DUSP29: variants seen among roughly 807,000 people sequenced by gnomAD.
DUSP29 encodes the protein atypical dual-specific protein phosphatase.
A neutral mutation model predicts 13.5 loss-of-function variants in DUSP29; 12 were observed. That is an observed-to-expected ratio of 0.89 (90% CI 0.57 to 1.44). The LOEUF (loss-of-function observed/expected upper bound fraction) is 1.44, where lower values mean the gene tolerates loss of function less well. Ranked by LOEUF, DUSP29 falls within the 40% of genes most tolerant of loss-of-function variation. The pLI is 0.00. For missense variants in DUSP29, 308 were observed against 301.1 expected (o/e 1.02, Z -0.17); for synonymous variants, 134 against 128.7 (o/e 1.04, Z -0.28).
intron 2 of DUSP29, among the ~76,000 whole-genome samples, chr10:75,057,910 C>T (rs1443827960): frequency 2.6e-5 from 4 of 152,174 alleles, no homozygotes; most frequent in African/African-American, 9.7e-5. Flanking sequence ...GGAAGATGCC[C>T]TTCTGCTCTT....
chr10:75,068,149 A>T (rs1284891599), intron 1 of DUSP29, among the ~76,000 whole-genome samples: 2 of 152,124 alleles, frequency 1.3e-5, no homozygotes, highest in Admixed American at 6.6e-5. Flanking sequence ...TATACATATA[A>T]CAGAAAAGTT....
intron 2 of DUSP29, among the ~76,000 whole-genome samples, chr10:75,044,301 G>A (rs920811851): frequency 1.1e-4 from 16 of 152,018 alleles, no homozygotes; most frequent in African/African-American, 3.9e-4. Context: ...TATACACAGC[G>A]GAACCTGGTG....
intron 2 of DUSP29, among the ~76,000 whole-genome samples, chr10:75,055,995 A>G (rs150962967): frequency 7.4e-4 from 113 of 151,780 alleles, no homozygotes; most frequent in African/African-American, 2.6e-3. Context: ...CTGCAGCATC[A>G]CTCTCCTGGT....
At chr10:75,039,411 G>A (rs757887164) in intron 3 of DUSP29, among the ~76,000 whole-genome samples, 5 of 152,190 alleles carry the variant, frequency 3.3e-5, no homozygotes, top group Non-Finnish European at 7.3e-5. Context: ...GGCTACTCAG[G>A]AGGCGGAGGC....
intron 2 of DUSP29, among the ~76,000 whole-genome samples, chr10:75,055,774 G>C (rs1006565911): frequency 1.3e-5 from 2 of 152,176 alleles, no homozygotes; most frequent in Admixed American, 6.5e-5. Context: ...CAAATTCAAA[G>C]AAGAAAACCT....
chr10:75,072,924 C>T lies in DUSP29; in HGVS notation c.-35+645G>A, dbSNP rs118176189. 7.5e-4 allele frequency among the ~76,000 whole-genome samples: 114 copies of T among 152,108 alleles called. 1 individual carries two copies. In the East Asian group the frequency reaches 0.021, roughly 28 times the overall value. The stretch of plus-strand genomic sequence containing the variant: ...ACAGGTCTGAGACACAGGCCCATCC[C>T]GCCTCCTGCCCACACGCGGTACAGC... On this transcript the variant is annotated intron_variant, in intron 1 of 3. Transcript: ENST00000338487.
intron 1 of DUSP29, among the ~76,000 whole-genome samples, chr10:75,063,154 C>T (rs1355153945): frequency 2.6e-5 from 4 of 152,210 alleles, no homozygotes; most frequent in African/African-American, 9.7e-5. Flanking sequence ...GAGCATATGC[C>T]TCCATTAAGG....
At chr10:75,045,960 A>G (rs181009963) in intron 2 of DUSP29, among the ~76,000 whole-genome samples, 1 of 151,942 alleles carries the variant, frequency 6.6e-6, no homozygotes, top group African/African-American at 2.4e-5. Context: ...GATATAAGGG[A>G]AAAAAATTAG....
chr10:75,049,083 A>G (rs1316976032), intron 2 of DUSP29, among the ~76,000 whole-genome samples: 2 of 152,250 alleles, frequency 1.3e-5, no homozygotes, highest in Non-Finnish European at 2.9e-5. Context: ...TGCTTATCCC[A>G]TGACAAAATG....
intron 2 of DUSP29, among the ~76,000 whole-genome samples, chr10:75,044,855 C>T (rs1013802324): frequency 6.6e-6 from 1 of 152,104 alleles, no homozygotes; most frequent in Non-Finnish European, 1.5e-5. Flanking sequence ...GCCTGTGTCA[C>T]TACAAGTGTC....
intron 1 of DUSP29, among the ~76,000 whole-genome samples, chr10:75,068,146 A>T (rs773797600): frequency 6.6e-6 from 1 of 152,164 alleles, no homozygotes; most frequent in Non-Finnish European, 1.5e-5. Flanking sequence ...TTATATACAT[A>T]TAACAGAAAA....
chr10:75,055,746 A>T (rs1393621425), intron 2 of DUSP29, among the ~76,000 whole-genome samples: 1 of 152,230 alleles, frequency 6.6e-6, no homozygotes, highest in Non-Finnish European at 1.5e-5. Flanking sequence ...TGGTCTATGA[A>T]TTATTTCTCA....
At chr10:75,051,517 G>A (rs1386271428) in intron 2 of DUSP29, among the ~76,000 whole-genome samples, 1 of 152,216 alleles carries the variant, frequency 6.6e-6, no homozygotes, top group Non-Finnish European at 1.5e-5. Context: ...AAGGAAAAGA[G>A]TGAGCTTCAT....
intron 3 of DUSP29, among the ~76,000 whole-genome samples, chr10:75,041,787 C>CT (rs1485261465): frequency 6.6e-6 from 1 of 152,176 alleles, no homozygotes. Flanking sequence ...TCCGTTGGCC[C>CT]TTTGTTTGCT....
At chr10:75,072,893 G>C (rs1847363773) in intron 1 of DUSP29, among the ~76,000 whole-genome samples, 1 of 151,910 alleles carries the variant, frequency 6.6e-6, no homozygotes, top group African/African-American at 2.4e-5. Flanking sequence ...CCCACTTCCT[G>C]CCCACACAGG....
At chr10:75,038,231 T>G (rs568678023) in intron 3 of DUSP29, among the ~76,000 whole-genome samples, 154 bp from the exon 4 acceptor site, 4 of 152,152 alleles carry the variant, frequency 2.6e-5, no homozygotes, top group Non-Finnish European at 5.9e-5. Flanking sequence ...GGGGACACTC[T>G]CGGTGTCTTC....
At chr10:75,039,503 A>G (rs1174398412) in intron 3 of DUSP29, among the ~76,000 whole-genome samples, 1 of 151,968 alleles carries the variant, frequency 6.6e-6, no homozygotes, top group African/African-American at 2.4e-5. Flanking sequence ...GCGACAGAGC[A>G]AGACTGCATC....
chr10:75,040,131 A>T (rs945350210), intron 3 of DUSP29, among the ~76,000 whole-genome samples: 1 of 151,838 alleles, frequency 6.6e-6, no homozygotes, highest in Non-Finnish European at 1.5e-5. Flanking sequence ...AGTGGAGATC[A>T]CGCCACTGCA....
At chr10:75,070,095 AAGGAAGGAAGGAAGGAAGGAAG>A (rs1847296612) in intron 1 of DUSP29, among the ~76,000 whole-genome samples, 1 of 87,364 alleles carries the variant, frequency 1.1e-5, no homozygotes, top group African/African-American at 5.8e-5. Context: ...GGAAGGAAGG[AAGGAAGGAAGGAAGGAAGGAAG>A]GAAGGAAGGA....
Sources: allele counts gnomAD v4.1 joint callset (sites outside exome capture counted in the v4.1 genomes callset), GRCh38; gene constraint gnomAD v4.1.1; transcripts MANE v1.5; gene names NCBI Gene and HGNC (gene_info 2026-07-23, HGNC 2026-07-21).